The following PAM variants were observed in gnomAD, a reference collection of about 807,000 sequenced individuals.
PAM encodes the protein peptidylglycine alpha-amidating monooxygenase.
A neutral mutation model predicts 122.1 loss-of-function variants in PAM; 72 were observed. That is an observed-to-expected ratio of 0.59 (90% CI 0.49 to 0.72). The LOEUF (loss-of-function observed/expected upper bound fraction) is 0.72. Among genes scored for constraint, PAM ranks in the 30% least tolerant of loss-of-function variants. PAM has a pLI of 0.00. For missense variants in PAM, 1,106 were observed against 1,183.7 expected, an observed-to-expected ratio of 0.93 and a Z score of 0.96; for synonymous variants, 389 against 404.4, an observed-to-expected ratio of 0.96 and a Z score of 0.46.
Position 103,029,085 on chromosome 5 carries a change from AT to A in PAM, c.*22del. On this transcript the variant is annotated 3_prime_UTR_variant, in exon 26 of 26. Transcript: ENST00000438793. ...TCCTGAAAACCAAGCTTTGATTTAG[AT>A]TGAGTAAGATTTACCCAGAATGTCA... 6.3e-7 allele frequency: 1 copy of A among 1,584,100 alleles called. No individual in the cohort carries two copies. Among genetic ancestry groups the A allele is most frequent in the Non-Finnish European group, 8.6e-7 (1 of 1,165,602 alleles).
At chr5:102,894,299 T>C (rs1055876377) in intron 3 of PAM, among the ~76,000 whole-genome samples, 2 of 151,674 alleles carry the variant, frequency 1.3e-5, no homozygotes, top group Admixed American at 6.6e-5. Context: ...AAAAGGTAGA[T>C]GTCCAGATAT....
At chr5:103,017,542 G>C in intron 22 of PAM, 109 bp downstream of exon 22, 1 of 734,494 alleles carries the variant, frequency 1.4e-6, no homozygotes, top group Non-Finnish European at 2.4e-6. Context: ...ATGAGAGTAG[G>C]AATCAAAGTA....
chr5:103,030,631 G>A (rs1228733204), downstream of PAM: 1 of 152,184 alleles, frequency 6.6e-6, no homozygotes, highest in African/African-American at 2.4e-5. Flanking sequence ...ATTGACTTCA[G>A]GCAATCTTTC....
At chr5:102,779,478 T>TC (rs149834165) in intron 1 of PAM, among the ~76,000 whole-genome samples, 2,787 of 151,630 alleles carry the variant, frequency 0.018, 78 homozygotes, top group African/African-American at 0.065. Flanking sequence ...GATAAAGTAT[T>TC]CCCCCCCTTA....
chr5:102,797,421 G>A (rs1255598347), intron 1 of PAM, among the ~76,000 whole-genome samples: 1 of 152,094 alleles, frequency 6.6e-6, no homozygotes, highest in Non-Finnish European at 1.5e-5. Context: ...TCACCCTTTT[G>A]CTTAGAGAAT....
rs777241437 is a variant in PAM, at chr5:102,901,388, A to G, written c.243A>G (p.Ile81Met). 31 of 1,590,368 alleles carry G rather than the reference A, an allele frequency of 1.9e-5. No individual in the cohort carries two copies. The highest frequency in any genetic ancestry group is 2.7e-5 in the Non-Finnish European group (31 of 1,159,952). The change falls in exon 4 of 26, where the codon ATA becomes ATG. Residue 81 changes from isoleucine (I) to methionine (M), a missense_variant. Coordinates refer to ENST00000438793, the MANE Select transcript of PAM (RefSeq NM_001177306.2). ...CATACTTCTGCATGTCTATGCGAATACCAGTGGATGAGGAAGCCTTCGTGA... is the reference window on the plus strand; with the variant it reads ...CATACTTCTGCATGTCTATGCGAATGCCAGTGGATGAGGAAGCCTTCGTGA... Reference protein sequence around the residue: ...SDTYFCMSMRIPVDEEAFVID... With the variant: ...SDTYFCMSMRMPVDEEAFVID...
At chr5:102,792,389 C>G (rs1561459542) in intron 1 of PAM, among the ~76,000 whole-genome samples, 1 of 152,200 alleles carries the variant, frequency 6.6e-6, no homozygotes. Flanking sequence ...TCAAAACAAA[C>G]ATTTACCATG....
At chr5:102,925,761 T>C (rs1374178308) in intron 6 of PAM, among the ~76,000 whole-genome samples, 2 of 151,768 alleles carry the variant, frequency 1.3e-5, no homozygotes, top group Non-Finnish European at 2.9e-5. Flanking sequence ...TGACATACAT[T>C]GGTAGAGGAG....
intron 3 of PAM, among the ~76,000 whole-genome samples, chr5:102,887,204 A>C (rs1793397159): frequency 1.3e-5 from 2 of 152,052 alleles, no homozygotes; most frequent in South Asian, 2.1e-4. Flanking sequence ...CAGATCTCTC[A>C]TGAATAGATT....
intron 7 of PAM, among the ~76,000 whole-genome samples, chr5:102,935,650 G>A (rs927194174): frequency 5.3e-5 from 8 of 152,028 alleles, no homozygotes; most frequent in Non-Finnish European, 7.4e-5. Flanking sequence ...TGGGCAATGA[G>A]CAAGTCCCAT....
intron 1 of PAM, among the ~76,000 whole-genome samples, chr5:102,858,161 A>G (rs1486571620): frequency 6.6e-6 from 1 of 152,104 alleles, no homozygotes; most frequent in East Asian, 1.9e-4. Flanking sequence ...TCTTTAGGAT[A>G]TTTTCCCCCA....
Position 102,901,409 on chromosome 5 carries a change from C to T in PAM, c.264C>T (p.Phe88=), listed in dbSNP as rs571892988. The change falls in exon 4 of 26, where the codon TTC becomes TTT. Residue 88 remains phenylalanine, a synonymous_variant. Transcript: ENST00000438793. The part of the protein sequence containing the change: ...SMRIPVDEEA[F]VIDFKPRASM... Reference sequence around the variant, plus strand: ...GAATACCAGTGGATGAGGAAGCCTTCGTGAGTAAGTATTAATTGGATTGGG... The same window carrying T: ...GAATACCAGTGGATGAGGAAGCCTTTGTGAGTAAGTATTAATTGGATTGGG... 8 of 1,546,776 alleles carry T rather than the reference C, an allele frequency of 5.2e-6. No individual in the cohort carries two copies. The highest frequency in any genetic ancestry group is 2.3e-5 in the East Asian group (1 of 44,360).
chr5:102,950,412 G>GGGGTGTGTGT (rs1554134142), intron 11 of PAM, among the ~76,000 whole-genome samples: 9 of 94,590 alleles, frequency 9.5e-5, no homozygotes, highest in African/African-American at 3.7e-4. Context: ...TGTGTATGTG[G>GGGGTGTGTGT]GTGGGTGTGT....
At position 102,926,603 on chromosome 5, in the gene PAM, G is replaced by A. The variant is rs780927711; in HGVS notation, c.461G>A (p.Gly154Glu). 1 of 1,586,786 alleles carries A rather than the reference G, an allele frequency of 6.3e-7. No individual in the cohort carries two copies. The highest frequency in any genetic ancestry group is 8.7e-7 in the Non-Finnish European group (1 of 1,155,398). ...TCTTTAGGTGTTGGATTCAGAGTTG[G>A]AGGAGAGACTGGAAGTAAATACTTT... Reference protein sequence around the residue: ...RLPKGVGFRVGGETGSKYFVL... With the variant: ...RLPKGVGFRVEGETGSKYFVL... Residue 154 changes from glycine to glutamate, a missense_variant, in exon 7 of 26, where the codon GGA becomes GAA. By Grantham distance (98) the Gly-to-Glu change is moderately conservative. Transcript: ENST00000438793.
chr5:102,906,991 A>G (rs1799766125), intron 4 of PAM, among the ~76,000 whole-genome samples: 1 of 151,714 alleles, frequency 6.6e-6, no homozygotes, highest in African/African-American at 2.4e-5. Context: ...ATAATTTTAA[A>G]AGAGATATCA....
intron 1 of PAM, among the ~76,000 whole-genome samples, chr5:102,796,213 A>T (rs1384251734): frequency 6.6e-6 from 1 of 152,146 alleles, no homozygotes; most frequent in Non-Finnish European, 1.5e-5. Context: ...TGTAGCTAAT[A>T]GTCTGTGAGC....
chr5:103,000,325 C>T (rs1333651688), intron 16 of PAM, among the ~76,000 whole-genome samples: 1 of 152,152 alleles, frequency 6.6e-6, no homozygotes, highest in Non-Finnish European at 1.5e-5. Context: ...TTATCATCTC[C>T]ATCTGAGACC....
At chr5:102,950,315 T>C (rs1018060913) in intron 11 of PAM, among the ~76,000 whole-genome samples, 5 of 152,202 alleles carry the variant, frequency 3.3e-5, no homozygotes, top group Admixed American at 1.3e-4. Flanking sequence ...AGTTTGGTGC[T>C]CTTGTCATAA....
intron 15 of PAM, 168 bp from the exon 16 acceptor site, chr5:102,990,104 C>A (rs895357857): frequency 2.1e-4 from 82 of 398,736 alleles, no homozygotes; most frequent in Admixed American, 8.8e-5. Context: ...CAGAAAGCTA[C>A]TTGGAATGTG....
Sources: allele counts gnomAD v4.1 joint callset (sites outside exome capture counted in the v4.1 genomes callset), GRCh38; gene constraint gnomAD v4.1.1; transcripts MANE v1.5; gene names NCBI Gene and HGNC (gene_info 2026-07-23, HGNC 2026-07-21).